The following ERBB4 variants were observed in gnomAD, a reference collection of about 807,000 sequenced individuals.
ERBB4 encodes the protein receptor tyrosine-protein kinase erbB-4.
A neutral mutation model predicts 158.0 loss-of-function variants in ERBB4; 42 were observed. That is an observed-to-expected ratio of 0.27 (90% CI 0.21 to 0.34). The LOEUF (loss-of-function observed/expected upper bound fraction) is 0.34, where lower values mean the gene tolerates loss of function less well. Among genes scored for constraint, ERBB4 ranks in the 10% least tolerant of loss-of-function variants. ERBB4 has a pLI of 1.00. For synonymous variants in ERBB4, 583 were observed against 558.7 expected (o/e 1.04, Z -0.61); for missense variants, 1,333 against 1,624.1 (o/e 0.82, Z 3.08).
intron 3 of ERBB4, among the ~76,000 whole-genome samples, chr2:211,859,679 G>T (rs1196321236): frequency 6.6e-6 from 1 of 152,126 alleles, no homozygotes; most frequent in Non-Finnish European, 1.5e-5. Context: ...TATTTTGGGG[G>T]TGGTGACTCT....
chr2:212,287,674 A>G (rs1056128805), intron 1 of ERBB4, among the ~76,000 whole-genome samples: 1 of 152,168 alleles, frequency 6.6e-6, no homozygotes, highest in South Asian at 2.1e-4. Context: ...ATGAAAAAAA[A>G]TAACTGCTTT....
At position 211,561,916 on chromosome 2, in the gene ERBB4, A is replaced by T. The variant is rs2125721148; in HGVS notation, c.2474T>A (p.Val825Asp). 1 of 1,613,982 alleles carries T rather than the reference A, an allele frequency of 6.2e-7. No individual in the cohort carries two copies. The highest frequency in any genetic ancestry group is 8.5e-7 in the Non-Finnish European group (1 of 1,179,938). Residue 825 changes from valine to aspartate, a missense_variant, in exon 20 of 28, where the codon GTC becomes GAC. Transcript: ENST00000342788. ...IGSQLLLNWC[V>D]QIAKGMMYLE... ...ACAGGCACTTACCTTAGCTATCTGG[A>T]CACACCAGTTAAGCAGCAGTTGTGA...
chr2:212,188,213 T>G (rs1442900900), intron 1 of ERBB4, among the ~76,000 whole-genome samples: 2 of 30,502 alleles, frequency 6.6e-5, no homozygotes, highest in African/African-American at 2.5e-4. Context: ...TCTCTCTCTC[T>G]CTCTCTCTCT....
chr2:211,966,039 C>T (rs2081301587), intron 2 of ERBB4, among the ~76,000 whole-genome samples: 1 of 152,014 alleles, frequency 6.6e-6, no homozygotes, highest in African/African-American at 2.4e-5. Context: ...CAGGGAGACC[C>T]TCTCTCTACA....
intron 16 of ERBB4, among the ~76,000 whole-genome samples, chr2:211,639,238 A>T (rs1574906490): frequency 6.6e-6 from 1 of 152,210 alleles, no homozygotes; most frequent in Non-Finnish European, 1.5e-5. Flanking sequence ...TGACACAAAC[A>T]GAATATTGTA....
Position 211,378,270 on chromosome 2 carries a change from C to A in ERBB4, c.*5345G>T, listed in dbSNP as rs988782789. ...TTCCAGAGGAAGCATGTGAATACCC[C>A]CCGTGAAATTGGGGCTTAGAGTCAT... On this transcript the variant is annotated 3_prime_UTR_variant, in exon 28 of 28. Coordinates refer to ENST00000342788, the MANE Select transcript of ERBB4 (RefSeq NM_005235.3). 1.7e-5 allele frequency: 4 copies of A among 232,722 alleles called. No individual in the cohort carries two copies. The highest frequency in any genetic ancestry group is 8.8e-5 in the African/African-American group (4 of 45,278). 14.4% of individuals were successfully genotyped at this position (232,722 alleles called of 1,614,324 possible).
chr2:211,907,302 A>G (rs1301473820), intron 3 of ERBB4, among the ~76,000 whole-genome samples: 4 of 151,774 alleles, frequency 2.6e-5, no homozygotes, highest in African/African-American at 9.7e-5. Flanking sequence ...AAGCCAGGGG[A>G]CTGAATGAAC....
chr2:211,541,507 T>G (rs1317727816), intron 20 of ERBB4, among the ~76,000 whole-genome samples: 1 of 152,016 alleles, frequency 6.6e-6, no homozygotes, highest in African/African-American at 2.4e-5. Flanking sequence ...TCAGATCATG[T>G]AGCTGCTGCC....
intron 1 of ERBB4, among the ~76,000 whole-genome samples, chr2:212,385,968 T>A (rs2090660656): frequency 6.6e-6 from 1 of 151,886 alleles, no homozygotes; most frequent in Non-Finnish European, 1.5e-5. Context: ...CTTTGTTTAA[T>A]ATCCCCATTT....
chr2:212,209,793 T>C (rs2082875307), intron 1 of ERBB4, among the ~76,000 whole-genome samples: 1 of 152,170 alleles, frequency 6.6e-6, no homozygotes, highest in Admixed American at 6.6e-5. Flanking sequence ...AATTGCACAG[T>C]GTTCTCTTTT....
chr2:211,929,145 G>T (rs557893426), intron 3 of ERBB4, among the ~76,000 whole-genome samples: 1 of 151,830 alleles, frequency 6.6e-6, no homozygotes, highest in African/African-American at 2.4e-5. Context: ...TCAAATTCTG[G>T]ATATGCAATT....
chr2:211,895,292 C>G (rs949574965), intron 3 of ERBB4, among the ~76,000 whole-genome samples: 17 of 152,070 alleles, frequency 1.1e-4, no homozygotes, highest in African/African-American at 4.1e-4. Context: ...GGTCTCTCTC[C>G]GTCACCCAGG....
intron 2 of ERBB4, among the ~76,000 whole-genome samples, chr2:212,023,795 C>A (rs369727664): frequency 6.6e-6 from 1 of 151,480 alleles, no homozygotes; most frequent in Non-Finnish European, 1.5e-5. Context: ...TGTCTTTGAA[C>A]GGTAGTGATA....
At chr2:212,017,456 A>G (rs1237152505) in intron 2 of ERBB4, among the ~76,000 whole-genome samples, 1 of 152,144 alleles carries the variant, frequency 6.6e-6, no homozygotes, top group Non-Finnish European at 1.5e-5. Context: ...TCCCTGGAAC[A>G]TAATGTAATA....
intron 19 of ERBB4, among the ~76,000 whole-genome samples, chr2:211,618,822 G>A (rs1361787843): frequency 3.3e-5 from 5 of 152,130 alleles, no homozygotes; most frequent in East Asian, 1.9e-4. Context: ...TTGGTTTTCC[G>A]TTGAAATTAT....
intron 20 of ERBB4, among the ~76,000 whole-genome samples, chr2:211,510,348 A>G (rs1001771774): frequency 3.3e-5 from 5 of 152,076 alleles, no homozygotes; most frequent in African/African-American, 1.2e-4. Context: ...GATTTTAAAA[A>G]ATTACTTACT....
intron 7 of ERBB4, among the ~76,000 whole-genome samples, chr2:211,720,561 T>C (rs2074060510): frequency 6.6e-6 from 1 of 152,224 alleles, no homozygotes; most frequent in Non-Finnish European, 1.5e-5. Context: ...TCTCTTCAAC[T>C]TTCAGTTCAC....
At chr2:212,246,091 G>C (rs939693765) in intron 1 of ERBB4, among the ~76,000 whole-genome samples, 4 of 152,072 alleles carry the variant, frequency 2.6e-5, no homozygotes, top group African/African-American at 9.7e-5. Flanking sequence ...CTGTCTCCAA[G>C]AGCTCTGTAA....
Position 212,484,300 on chromosome 2 carries a change from T to C in ERBB4, c.82+54149A>G, listed in dbSNP as rs748337863. The stretch of plus-strand genomic sequence containing the variant: ...ACTCAAAGTAAGATTTGCTTGTGGA[T>C]AGTAGTTACTTCCTCTCCTTGCATG... On this transcript the variant is annotated intron_variant, in intron 1 of 27. Coordinates refer to ENST00000342788, the MANE Select transcript of ERBB4 (RefSeq NM_005235.3). 9.7e-4 allele frequency among the ~76,000 whole-genome samples: 147 copies of C among 152,184 alleles called. 1 individual carries two copies. Among genetic ancestry groups the C allele is most frequent in the Non-Finnish European group, 2.8e-4 (19 of 68,024 alleles).
Sources: gnomAD v4.1 joint callset for allele counts (sites outside exome capture counted in the v4.1 genomes callset) on GRCh38, gnomAD v4.1.1 for gene constraint, MANE v1.5 for transcripts, NCBI Gene and HGNC (gene_info 2026-07-23, HGNC 2026-07-21) for gene names.